Variants in ITIH5 observed in about 807,000 individuals in gnomAD.
The protein encoded by ITIH5 is inter-alpha-trypsin inhibitor heavy chain H5.
ITIH5 carries 65 observed loss-of-function variants against 77.5 expected under a neutral mutation model. The observed-to-expected ratio is 0.84, with a 90% confidence interval of 0.69 to 1.03. The LOEUF (loss-of-function observed/expected upper bound fraction) is 1.03, where lower values mean the gene tolerates loss of function less well. Ranked by LOEUF, ITIH5 falls within the 50% of genes least tolerant of loss-of-function variation. ITIH5 has a pLI of 0.00. For missense variants in ITIH5, 1,208 were observed against 1,213.1 expected (o/e 1.00, Z 0.06); for synonymous variants, 525 against 494.3 (o/e 1.06, Z -0.82).
At chr10:7,573,285 CA>C in intron 10 of ITIH5, 90 bp from the exon 11 acceptor site, 1 of 1,081,286 alleles carries the variant, frequency 9.2e-7, no homozygotes, top group South Asian at 1.3e-5. Flanking sequence ...ATGAGCAAAA[CA>C]CAGCTTTTAG....
chr10:7,623,980 C>A (rs1429681455), intron 5 of ITIH5, among the ~76,000 whole-genome samples: 1 of 152,086 alleles, frequency 6.6e-6, no homozygotes, highest in Non-Finnish European at 1.5e-5. Context: ...AAATTTATAG[C>A]TGAAGGGATT....
intron 9 of ITIH5, chr10:7,578,763 C>G (rs1170366314): frequency 6.6e-6 from 1 of 152,192 alleles, no homozygotes; most frequent in Non-Finnish European, 1.5e-5. Flanking sequence ...AAGCACCTCA[C>G]GCTGAACTGG....
intron 7 of ITIH5, among the ~76,000 whole-genome samples, chr10:7,613,175 G>A (rs983064688): frequency 6.6e-6 from 1 of 151,882 alleles, no homozygotes; most frequent in African/African-American, 2.4e-5. Flanking sequence ...GAACCCAGGA[G>A]GCAGAGGCTG....
intron 1 of ITIH5, among the ~76,000 whole-genome samples, chr10:7,663,812 C>T (rs963883609): frequency 1.3e-5 from 2 of 152,226 alleles, no homozygotes; most frequent in South Asian, 2.1e-4. Context: ...CCAGGCAGTC[C>T]GGCACCACAT....
chr10:7,645,077 G>A (rs1833990546), intron 2 of ITIH5, among the ~76,000 whole-genome samples: 1 of 151,316 alleles, frequency 6.6e-6, no homozygotes, highest in Non-Finnish European at 1.5e-5. Context: ...CCATGCAAAG[G>A]TGTCAGGGCC....
At chr10:7,592,021 T>C (rs7897183) in intron 7 of ITIH5, among the ~76,000 whole-genome samples, 148,601 of 152,184 alleles carry the variant, frequency 0.98, 72,643 homozygotes, top group Middle Eastern at 1. Context: ...CAGGTGCACG[T>C]CACCATGCCC....
chr10:7,565,408 CATAG>C (rs1206067031), intron 13 of ITIH5, among the ~76,000 whole-genome samples: 2 of 147,206 alleles, frequency 1.4e-5, no homozygotes, highest in Non-Finnish European at 3.0e-5. Context: ...TGCACACATA[CATAG>C]ACAGTATACA....
At chr10:7,659,481 G>A (rs1834241973) in intron 1 of ITIH5, among the ~76,000 whole-genome samples, 1 of 152,178 alleles carries the variant, frequency 6.6e-6, no homozygotes, top group African/African-American at 2.4e-5. Context: ...GGGACCCTGG[G>A]CAAGTTCTTT....
chr10:7,576,519 C>T lies in ITIH5; in HGVS notation c.1912G>A (p.Gly638Ser), dbSNP rs771722206. 11 of 1,612,104 alleles carry T rather than the reference C, an allele frequency of 6.8e-6. No individual in the cohort carries two copies. The Admixed American group carries it at 1.2e-4, about 17-fold the overall frequency. Residue 638 changes from glycine to serine, a missense_variant, in exon 10 of 14, where the codon GGC (glycine) becomes AGC (serine). Gly to Ser is a moderately conservative substitution (Grantham distance 56). Coordinates refer to ENST00000397146, the MANE Select transcript of ITIH5 (RefSeq NM_030569.7). ...TCGGGTCCCATGGCAGCCGACATGC[C>T]GTGGGCCTCCTCCAGGCCATCCATG... ...PRMDGLEEAH[G>S]MSAAMGPEPV...
Position 7,572,107 on chromosome 10 carries a change from T to C in ITIH5, c.2032+1035A>G, listed in dbSNP as rs145476765. On this transcript the variant is annotated intron_variant, in intron 11 of 13. Transcript: ENST00000397146. ...AAGAGGAAGCTTTTCTGGCATTCCATAAAGCCTGTGTGTGTGTGTTGGAAG... is the reference window on the plus strand; with the variant it reads ...AAGAGGAAGCTTTTCTGGCATTCCACAAAGCCTGTGTGTGTGTGTTGGAAG... 4.0e-4 allele frequency: 421 copies of C among 1,056,162 alleles called. 3 individuals carry two copies. The African/African-American group carries it at 6.7e-3, about 17-fold the overall frequency. 65.4% of individuals were successfully genotyped at this position (1,056,162 alleles called of 1,614,324 possible).
chr10:7,569,385 C>T, intron 12 of ITIH5: 1 of 311,412 alleles, frequency 3.2e-6, no homozygotes, highest in Non-Finnish European at 5.9e-6. Context: ...TCATTTGATC[C>T]ATTTTATATT....
chr10:7,616,884 G>A (rs2131036099), intron 6 of ITIH5, among the ~76,000 whole-genome samples: 1 of 152,258 alleles, frequency 6.6e-6, no homozygotes, highest in Middle Eastern at 3.4e-3. Flanking sequence ...AAACACCACA[G>A]GGAGCTTTAT....
At chr10:7,659,783 T>C (rs903842463) in intron 1 of ITIH5, among the ~76,000 whole-genome samples, 8 of 152,240 alleles carry the variant, frequency 5.3e-5, no homozygotes, top group South Asian at 2.1e-4. Flanking sequence ...TCAACTCAGC[T>C]TGACCCAGAA....
intron 13 of ITIH5, among the ~76,000 whole-genome samples, chr10:7,564,994 T>C (rs556099795): frequency 1.4e-5 from 2 of 146,692 alleles, no homozygotes; most frequent in African/African-American, 5.0e-5. Flanking sequence ...TTCATACATA[T>C]AGACTGTATA....
chr10:7,664,394 C>T (rs11255274), intron 1 of ITIH5, among the ~76,000 whole-genome samples: 32,816 of 143,136 alleles, frequency 0.23, 3,862 homozygotes, highest in Non-Finnish European at 0.26. Flanking sequence ...AGCGAGATTC[C>T]GTCTCAAAAA....
At chr10:7,634,063 T>A (rs1343959363) in intron 5 of ITIH5, among the ~76,000 whole-genome samples, 1 of 115,472 alleles carries the variant, frequency 8.7e-6, no homozygotes, top group Admixed American at 1.3e-4. Flanking sequence ...CACTCCAGCC[T>A]GGGCGACAGA....
chr10:7,644,724 A>T (rs1483667199), intron 2 of ITIH5, among the ~76,000 whole-genome samples: 1 of 137,650 alleles, frequency 7.3e-6, no homozygotes, highest in African/African-American at 2.8e-5. Context: ...TATCATATAT[A>T]TCACATATCT....
chr10:7,662,914 TC>T (rs569303860), intron 1 of ITIH5, among the ~76,000 whole-genome samples: 4 of 151,952 alleles, frequency 2.6e-5, no homozygotes, highest in Admixed American at 6.6e-5. Flanking sequence ...GTTGTTTTTT[TC>T]CCCCCCAAAT....
At chr10:7,659,452 TG>T (rs1241242200) in intron 1 of ITIH5, among the ~76,000 whole-genome samples, 2 of 152,056 alleles carry the variant, frequency 1.3e-5, no homozygotes, top group Non-Finnish European at 2.9e-5. Context: ...CAAGAGACTG[TG>T]AAAGGAAGGC....
Sources: gnomAD v4.1 joint callset for allele counts (sites outside exome capture counted in the v4.1 genomes callset) on GRCh38, gnomAD v4.1.1 for gene constraint, MANE v1.5 for transcripts, NCBI Gene and HGNC (gene_info 2026-07-23, HGNC 2026-07-21) for gene names.